The following SLC25A53 variants were observed in gnomAD, a reference collection of about 807,000 sequenced individuals.
The protein encoded by SLC25A53 is solute carrier family 25 member 53.
Under a neutral mutation model 15.0 loss-of-function variants are expected in SLC25A53, and 5 were observed. The observed-to-expected ratio is 0.33, with a 90% CI of 0.17 to 0.70. The LOEUF (loss-of-function observed/expected upper bound fraction) is 0.70. Among genes scored for constraint, SLC25A53 ranks in the 30% least tolerant of loss-of-function variants. The pLI, the probability that SLC25A53 is intolerant of heterozygous loss-of-function variation, is 0.67. For synonymous variants in SLC25A53, 95 were observed against 100.0 expected, an observed-to-expected ratio of 0.95 and a Z score of 0.30; for missense variants, 216 against 241.6, an observed-to-expected ratio of 0.89 and a Z score of 0.70.
chrX:104,105,291 G>C lies in SLC25A53; in HGVS notation c.-31-3C>G, dbSNP rs377397328. 1 of 1,116,929 alleles carries C rather than the reference G, an allele frequency of 9.0e-7. No individual in the cohort carries two copies. Among genetic ancestry groups the C allele is most frequent in the South Asian group, 2.1e-5 (1 of 47,812 alleles). 92.0% of individuals were successfully genotyped at this position (1,116,929 alleles called of 1,213,427 possible). A position where few individuals can be genotyped will look rare whatever the true frequency, so the allele number is the denominator to read the frequency against. ...CAACTGGGTGCAGATGGAAGAAACTGGCAAGGGTGGAAAAAAAGAGATTAG... is the reference window on the plus strand; with the variant it reads ...CAACTGGGTGCAGATGGAAGAAACTCGCAAGGGTGGAAAAAAAGAGATTAG... On this transcript the variant is annotated splice_region_variant and splice_polypyrimidine_tract_variant and intron_variant, in intron 1 of 1. Transcript: ENST00000594199.
At chrX:104,114,741 G>C (rs2075368577) in intron 1 of SLC25A53, 2 of 1,211,846 alleles carry the variant, frequency 1.7e-6, no homozygotes, top group Admixed American at 4.3e-5. Flanking sequence ...CCAATTTCCT[G>C]GAGTTAATCA....
chrX:104,100,474 A>G lies in SLC25A53; in HGVS notation c.*3860T>C, dbSNP rs782677981. ...CTCCATTAACATCACTAAACTAAAT[A>G]TTAACATTGACATTTAAAATTACTT... is the stretch of plus-strand genomic sequence containing the variant. On this transcript the variant is annotated 3_prime_UTR_variant, in exon 2 of 2. Coordinates refer to ENST00000594199, the MANE Select transcript of SLC25A53 (RefSeq NM_001012755.5). The G allele has an allele frequency of 1.8e-5, 2 of 112,073 alleles. No homozygotes were observed. The highest frequency in any genetic ancestry group is 2.8e-4 in the East Asian group (1 of 3,567). 9.2% of individuals were successfully genotyped at this position (112,073 alleles called of 1,213,427 possible).
At chrX:104,117,833 C>A (rs1366094177) in intron 1 of SLC25A53, among the ~76,000 whole-genome samples, 1 of 112,242 alleles carries the variant, frequency 8.9e-6, no homozygotes, top group Non-Finnish European at 1.9e-5. Context: ...GTCATAATTT[C>A]TTTCTGAAAC....
At chrX:104,153,521 T>G (rs1239970780) in intron 1 of SLC25A53, among the ~76,000 whole-genome samples, 14 of 111,934 alleles carry the variant, frequency 1.3e-4, no homozygotes, top group African/African-American at 4.5e-4. Flanking sequence ...TCTGACTTCT[T>G]ATACTAATCT....
At position 104,102,712 on chromosome X, in the gene SLC25A53, A is replaced by G. The variant is rs1221050297; in HGVS notation, c.*1622T>C. 1 of 111,977 alleles carries G rather than the reference A, an allele frequency of 8.9e-6. No individual in the cohort carries two copies. Among genetic ancestry groups the G allele is most frequent in the Non-Finnish European group, 1.9e-5 (1 of 53,201 alleles). The allele number at this position is 111,977 out of a possible 1,213,427, so 9.2% of individuals were successfully genotyped here. A position where few individuals can be genotyped will look rare whatever the true frequency, so the allele number is the denominator to read the frequency against. ...GGCACAATGGAAGATTTTAAAATGC[A>G]TACAAAAATCCCTGCTTTCAATGAG... On this transcript the variant is annotated 3_prime_UTR_variant, in exon 2 of 2. Coordinates refer to ENST00000594199, the MANE Select transcript of SLC25A53 (RefSeq NM_001012755.5).
At chrX:104,123,577 A>T (rs921869754) in intron 1 of SLC25A53, among the ~76,000 whole-genome samples, 4 of 109,010 alleles carry the variant, frequency 3.7e-5, no homozygotes, top group Non-Finnish European at 7.7e-5. Flanking sequence ...CCCTTTTTTT[A>T]AAATTATACT....
In SLC25A53 at chrX:104,121,904, T is replaced by G. The variant is rs200860887; in HGVS notation, c.-31-16616A>C. ...ATATATATATATATATATATATATA[T>G]ATATATATATATATATATATATATA... is the stretch of plus-strand genomic sequence containing the variant. On this transcript the variant is annotated intron_variant, in intron 1 of 1. Coordinates refer to ENST00000594199, the MANE Select transcript of SLC25A53 (RefSeq NM_001012755.5). 1.4e-4 allele frequency among the ~76,000 whole-genome samples: 4 copies of G among 29,487 alleles called. 1 individual carries two copies. Among genetic ancestry groups the G allele is most frequent in the African/African-American group, 4.1e-4 (4 of 9,738 alleles). 25.6% of individuals were successfully genotyped at this position (29,487 alleles called of 115,157 possible).
chrX:104,099,820 T>C lies in SLC25A53; in HGVS notation c.*4514A>G, dbSNP rs1342306880. On this transcript the variant is annotated 3_prime_UTR_variant, in exon 2 of 2. Coordinates refer to ENST00000594199, the MANE Select transcript of SLC25A53 (RefSeq NM_001012755.5). ...TTGCTCTGGCTGGTTATTACATGGG[T>C]GATGGCTTTGTAAATGTTCTTTAAA... The C allele has an allele frequency of 9.0e-6, 1 of 111,441 alleles. No individual in the cohort carries two copies. The highest frequency in any genetic ancestry group is 3.3e-5 in the African/African-American group (1 of 30,603). The allele number at this position is 111,441 out of a possible 1,213,427, so 9.2% of individuals were successfully genotyped here.
chrX:104,143,352 T>C (rs958882550), intron 1 of SLC25A53, among the ~76,000 whole-genome samples: 3 of 111,103 alleles, frequency 2.7e-5, no homozygotes, highest in Non-Finnish European at 5.7e-5. Context: ...CTAAGAACCT[T>C]GAAAAAAGGT....
intron 1 of SLC25A53, among the ~76,000 whole-genome samples, chrX:104,147,576 T>G (rs1205721490): frequency 5.9e-5 from 6 of 101,228 alleles, no homozygotes; most frequent in Non-Finnish European, 1.2e-4. Context: ...ATATCCAGAA[T>G]GTACAATGAA....
intron 1 of SLC25A53, among the ~76,000 whole-genome samples, chrX:104,134,790 A>G (rs2075432853): frequency 1.8e-5 from 2 of 111,505 alleles, no homozygotes; most frequent in African/African-American, 3.3e-5. Flanking sequence ...CCTCCTCCAC[A>G]GCGTCCTCCA....
chrX:104,119,693 G>A (rs1210223874), intron 1 of SLC25A53, among the ~76,000 whole-genome samples: 4 of 109,122 alleles, frequency 3.7e-5, no homozygotes, highest in African/African-American at 1.3e-4. Flanking sequence ...TAAGCGGGGG[G>A]CGGGGGGAGC....
At chrX:104,144,124 C>T (rs1285021270) in intron 1 of SLC25A53, among the ~76,000 whole-genome samples, 2 of 111,884 alleles carry the variant, frequency 1.8e-5, no homozygotes, top group African/African-American at 6.5e-5. Flanking sequence ...AAGGAACAAC[C>T]GGTACCAGCC....
intron 1 of SLC25A53, chrX:104,114,364 C>T (rs891368783): frequency 3.3e-6 from 4 of 1,211,662 alleles, no homozygotes; most frequent in Non-Finnish European, 4.5e-6. Flanking sequence ...AAAACTCAAG[C>T]GCTTGATGAA....
At chrX:104,110,626 G>A (rs1415794225) in intron 1 of SLC25A53, among the ~76,000 whole-genome samples, 1 of 112,198 alleles carries the variant, frequency 8.9e-6, no homozygotes, top group African/African-American at 3.2e-5. Flanking sequence ...CATAAAGGAA[G>A]TAATACCTGC....
chrX:104,118,153 A>G (rs1308753432), intron 1 of SLC25A53, among the ~76,000 whole-genome samples: 1 of 112,661 alleles, frequency 8.9e-6, no homozygotes, highest in African/African-American at 3.2e-5. Context: ...TAAGTGAAAG[A>G]AGGCTTTTAA....
Position 104,109,290 on chromosome X carries a change from G to C in SLC25A53, c.-31-4002C>G, listed in dbSNP as rs184837438. Among the ~76,000 whole-genome samples the C allele has an allele frequency of 7.1e-4, 79 of 111,876 alleles. 1 individual carries two copies. Among genetic ancestry groups the C allele is most frequent in the Non-Finnish European group, 1.2e-3 (62 of 53,167 alleles). ...CCGCTGCATTGTGTTGTAGGGCACA[G>C]AGATGGGCTCTGGATACAGGCAGCC... On this transcript the variant is annotated intron_variant, in intron 1 of 1. Coordinates refer to ENST00000594199, the MANE Select transcript of SLC25A53 (RefSeq NM_001012755.5).
intron 1 of SLC25A53, among the ~76,000 whole-genome samples, chrX:104,132,288 T>C (rs1192728526): frequency 4.5e-5 from 5 of 112,314 alleles, no homozygotes; most frequent in African/African-American, 1.6e-4. Flanking sequence ...AGCAATGGCA[T>C]GTTGCCTTTC....
chrX:104,114,612 G>A, intron 1 of SLC25A53: 1 of 1,212,047 alleles, frequency 8.3e-7, no homozygotes, highest in Non-Finnish European at 1.1e-6. Context: ...TCCTAGCTGA[G>A]AAAGATGCAA....
Sources: gnomAD v4.1 joint callset for allele counts (sites outside exome capture counted in the v4.1 genomes callset) on GRCh38, gnomAD v4.1.1 for gene constraint, MANE v1.5 for transcripts, NCBI Gene and HGNC (gene_info 2026-07-23, HGNC 2026-07-21) for gene names.